Variants in CLSTN3 observed in about 807,000 individuals in gnomAD.
CLSTN3 encodes calsyntenin-3.
Under a neutral mutation model 95.9 loss-of-function variants are expected in CLSTN3, and 36 were observed. That is an observed-to-expected ratio of 0.38 (90% CI 0.29 to 0.50). CLSTN3 has a LOEUF of 0.50. Ranked by LOEUF, CLSTN3 falls within the 20% of genes least tolerant of loss-of-function variation. The pLI is 0.95. For synonymous variants in CLSTN3, 481 were observed against 504.0 expected, an observed-to-expected ratio of 0.95 and a Z score of 0.61; for missense variants, 1,084 against 1,268.8, an observed-to-expected ratio of 0.85 and a Z score of 2.21.
At position 7,148,942 on chromosome 12, in the gene CLSTN3, A is replaced by T. The variant is rs1200227260; in HGVS notation, c.1848-30A>T. The T allele has an allele frequency of 3.1e-6, 5 of 1,590,830 alleles. No individual in the cohort carries two copies. The East Asian group carries it at 1.1e-4, about 36-fold the overall frequency. ...TTTTCGGGGAGGAAGTGTTGGGGTC[A>T]CATGCTGCTTCTCCTGCTTTCTTAC... On this transcript the variant is annotated intron_variant, in intron 12 of 17. Coordinates refer to ENST00000266546, the MANE Select transcript of CLSTN3 (RefSeq NM_014718.4).
intron 12 of CLSTN3, among the ~76,000 whole-genome samples, chr12:7,148,096 C>CA (rs1285743952): frequency 6.6e-6 from 1 of 151,246 alleles, no homozygotes; most frequent in African/African-American, 2.4e-5. Context: ...GCAGAGGTTG[C>CA]AGTGAGCCAA....
chr12:7,136,581 G>A (rs1006085012), intron 6 of CLSTN3, among the ~76,000 whole-genome samples, 190 bp downstream of exon 6: 1 of 152,210 alleles, frequency 6.6e-6, no homozygotes, highest in Non-Finnish European at 1.5e-5. Context: ...CATAGTCATC[G>A]CACCAGACAG....
At position 7,136,991 on chromosome 12, in the gene CLSTN3, C is replaced by T; in HGVS notation, c.1091C>T (p.Ser364Phe). 4 of 1,614,190 alleles carry T rather than the reference C, an allele frequency of 2.5e-6. No individual in the cohort carries two copies. The highest frequency in any genetic ancestry group is 3.4e-6 in the Non-Finnish European group (4 of 1,180,036). ...VPLGGPSGLG[S>F]GPQDSLSDHF... ...CTGGGTGGCCCCAGTGGGCTGGGCT[C>T]TGGGCCCCAGGACAGCCTCAGTGAC... Residue 364 changes from serine to phenylalanine, a missense_variant, in exon 7 of 18, where the codon TCT becomes TTT. By Grantham distance (155) the Ser-to-Phe change is radical. Coordinates refer to ENST00000266546, the MANE Select transcript of CLSTN3 (RefSeq NM_014718.4).
chr12:7,157,703 G>A lies in CLSTN3; in HGVS notation c.2730+12G>A. On this transcript the variant is annotated intron_variant, in intron 17 of 17. Coordinates refer to ENST00000266546, the MANE Select transcript of CLSTN3 (RefSeq NM_014718.4). The surrounding 1 kb of genome is among the most constrained non-coding windows in gnomAD (Gnocchi z 5.9). Reference sequence around the variant, plus strand: ...TGAACCCCATGGAGGTGAGAGGCCTGGGGAAGCGGGGTTCTGTAGGGTCAA... The same window carrying A: ...TGAACCCCATGGAGGTGAGAGGCCTAGGGAAGCGGGGTTCTGTAGGGTCAA... 1 of 1,560,460 alleles carries A rather than the reference G, an allele frequency of 6.4e-7. No individual in the cohort carries two copies. Among genetic ancestry groups the A allele is most frequent in the South Asian group, 1.2e-5 (1 of 85,068 alleles).
At chr12:7,151,475 T>C (rs911716662) in intron 16 of CLSTN3, among the ~76,000 whole-genome samples, 1 of 152,210 alleles carries the variant, frequency 6.6e-6, no homozygotes, top group Non-Finnish European at 1.5e-5. Flanking sequence ...ATCTAAATGA[T>C]TTATAGGATA....
At chr12:7,140,922 C>T (rs1459681194) in intron 8 of CLSTN3, among the ~76,000 whole-genome samples, 1 of 152,126 alleles carries the variant, frequency 6.6e-6, no homozygotes, top group East Asian at 1.9e-4. Flanking sequence ...TTTCCAGTGC[C>T]TTACACACAT....
At position 7,148,174 on chromosome 12, in the gene CLSTN3, AAG is replaced by A. The variant is rs1939656868; in HGVS notation, c.1848-796_1848-795del. On this transcript the variant is annotated intron_variant, in intron 12 of 17. Transcript: ENST00000266546. ...TCCATCAAAAAGAAAGAAAGAAAGA[AAG>A]AAAGAAAGAAAGAAAGAAAGAAAGA... Among the ~76,000 whole-genome samples the A allele has an allele frequency of 6.2e-5, 7 of 113,586 alleles. No homozygotes were observed. In the South Asian group the frequency reaches 2.5e-3, roughly 40 times the overall value. 74.5% of individuals were successfully genotyped at this position (113,586 alleles called of 152,430 possible).
intron 8 of CLSTN3, among the ~76,000 whole-genome samples, chr12:7,139,726 G>T (rs1251432634): frequency 6.6e-6 from 1 of 151,644 alleles, no homozygotes; most frequent in African/African-American, 2.4e-5. Context: ...TTGGCTCACT[G>T]CAACCTCGGC....
In CLSTN3 at chr12:7,150,989, A is replaced by C. The variant is rs755795137; in HGVS notation, c.2453A>C (p.Gln818Pro). Residue 818 changes from glutamine (Q) to proline (P), a missense_variant, in exon 16 of 18, where the codon CAG becomes CCG. Gln to Pro is a moderately conservative substitution (Grantham distance 76). Coordinates refer to ENST00000266546, the MANE Select transcript of CLSTN3 (RefSeq NM_014718.4). The surrounding 1 kb of genome is among the most constrained non-coding windows in gnomAD (Gnocchi z 4.0). ...AHPSHVLSSQ[Q>P]FLHRGHQPPP... Reference sequence around the variant, plus strand: ...CCCAGCCACGTGCTCAGCTCCCAGCAGTTCCTGCACCGTGGTCACCAGCCC... The same window carrying C: ...CCCAGCCACGTGCTCAGCTCCCAGCCGTTCCTGCACCGTGGTCACCAGCCC... 3.1e-6 allele frequency: 5 copies of C among 1,613,382 alleles called. No homozygotes were observed. In the South Asian group the frequency reaches 5.5e-5, roughly 18 times the overall value.
Position 7,157,470 on chromosome 12 carries a change from C to T in CLSTN3, c.2528-19C>T, listed in dbSNP as rs748801241. 2.1e-4 allele frequency: 329 copies of T among 1,549,082 alleles called. No homozygotes were observed. The highest frequency in any genetic ancestry group is 5.7e-4 in the Admixed American group (30 of 52,238). ...GTGTGCCTAGTCACGCTCTGCTCAC[C>T]CCCGCGCTCTCTCTGCAGTGATACC... On this transcript the variant is annotated intron_variant, in intron 16 of 17. Coordinates refer to ENST00000266546, the MANE Select transcript of CLSTN3 (RefSeq NM_014718.4). The surrounding 1 kb of genome is among the most constrained non-coding windows in gnomAD (Gnocchi z 5.9).
At chr12:7,146,933 G>A (rs1939630011) in intron 12 of CLSTN3, among the ~76,000 whole-genome samples, 1 of 152,180 alleles carries the variant, frequency 6.6e-6, no homozygotes, top group Admixed American at 6.5e-5. Flanking sequence ...TGCTCCGTGT[G>A]GTACAGGAAC....
intron 16 of CLSTN3, among the ~76,000 whole-genome samples, chr12:7,154,634 G>A (rs939830026): frequency 2.0e-5 from 3 of 152,038 alleles, no homozygotes; most frequent in South Asian, 2.1e-4. Context: ...AAAAACTCTC[G>A]GCACCTAAAT....
rs753266977 is a variant in CLSTN3 at position 7,149,148 on chromosome 12, C to A, written c.2024C>A (p.Ser675Tyr). The change falls in exon 13 of 18, where the codon TCC becomes TAC. Residue 675 changes from serine to tyrosine, a missense_variant. Physicochemically the swap from Ser to Tyr is moderately radical, Grantham distance 144 (BLOSUM62 -2). Transcript: ENST00000266546. The surrounding 1 kb of genome is among the most constrained non-coding windows in gnomAD (Gnocchi z 4.5). ...TTCCCTGATCTTCAAATCACCTGCT[C>A]CATTTCTCACCAGGTGGAGGCCAAA... ...PLFPDLQITC[S>Y]ISHQVEAKKD... The A allele has an allele frequency of 6.2e-7, 1 of 1,614,158 alleles. No individual in the cohort carries two copies. The highest frequency in any genetic ancestry group is 1.1e-5 in the South Asian group (1 of 91,084).
Position 7,141,632 on chromosome 12 carries a change from G to A in CLSTN3, c.1486+228G>A, listed in dbSNP as rs939142960. ...TGACTTGGAGGAATTAACTTCTCACGCATCCCCAGACTCTCTCTCTGTAAC... is the reference window on the plus strand; with the variant it reads ...TGACTTGGAGGAATTAACTTCTCACACATCCCCAGACTCTCTCTCTGTAAC... On this transcript the variant is annotated intron_variant, in intron 9 of 17. Coordinates refer to ENST00000266546, the MANE Select transcript of CLSTN3 (RefSeq NM_014718.4). The surrounding 1 kb of genome is among the most constrained non-coding windows in gnomAD (Gnocchi z 4.1). Among the ~76,000 whole-genome samples the A allele has an allele frequency of 4.6e-5, 7 of 152,096 alleles. No homozygotes were observed. Among genetic ancestry groups the A allele is most frequent in the Non-Finnish European group, 7.3e-5 (5 of 68,032 alleles).
At position 7,135,346 on chromosome 12, in the gene CLSTN3, G is replaced by T; in HGVS notation, c.403G>T (p.Val135Phe). Residue 135 changes from valine (V) to phenylalanine (F), a missense_variant, in exon 4 of 18, where the codon GTC becomes TTC. By Grantham distance (50) the Val-to-Phe change is conservative. Coordinates refer to ENST00000266546, the MANE Select transcript of CLSTN3 (RefSeq NM_014718.4). ...KSHKATVHVR[V>F]NDVNEFAPVF... ...ATGCAGGGCCACTGTGCATGTGCGG[G>T]TCAACGATGTGAACGAGTTTGCCCC... 1 of 1,614,136 alleles carries T rather than the reference G, an allele frequency of 6.2e-7. No homozygotes were observed. The highest frequency in any genetic ancestry group is 8.5e-7 in the Non-Finnish European group (1 of 1,179,996).
Position 7,157,391 on chromosome 12 carries a change from C to T in CLSTN3, c.2528-98C>T, listed in dbSNP as rs1939835923. The T allele has an allele frequency of 5.5e-6, 6 of 1,085,172 alleles. No individual in the cohort carries two copies. The highest frequency in any genetic ancestry group is 1.6e-5 in the African/African-American group (1 of 62,868). The allele number at this position is 1,085,172 out of a possible 1,614,324, so 67.2% of individuals were successfully genotyped here. A position where few individuals can be genotyped will look rare whatever the true frequency, so the allele number is the denominator to read the frequency against. On this transcript the variant is annotated intron_variant, in intron 16 of 17. Coordinates refer to ENST00000266546, the MANE Select transcript of CLSTN3 (RefSeq NM_014718.4). This position sits in a 1 kb window ranked among gnomAD's most constrained non-coding sequence, Gnocchi z 5.9. ...CACCGTGTGTTCTGCCCTGGGAGTC[C>T]TTCAGCCCGGGCTGCCTCTTTTCCT...
rs200740779 is a variant in CLSTN3 at position 7,149,563 on chromosome 12, G to A, written c.2115G>A (p.Leu705=). ...TRMSDEIVHN[L]DGCEISLVGD... ...TGTCGGATGAGATTGTGCACAACCT[G>A]GATGGCTGTGAAATTTCTCTGGTGG... Residue 705 remains leucine (L), a synonymous_variant, in exon 14 of 18, where the codon CTG becomes CTA. Coordinates refer to ENST00000266546, the MANE Select transcript of CLSTN3 (RefSeq NM_014718.4). This position sits in a 1 kb window ranked among gnomAD's most constrained non-coding sequence, Gnocchi z 4.5. 6.2e-7 allele frequency: 1 copy of A among 1,614,104 alleles called. No homozygotes were observed. Among genetic ancestry groups the A allele is most frequent in the South Asian group, 1.1e-5 (1 of 91,076 alleles).
rs757585770 is a variant in CLSTN3 at position 7,149,482 on chromosome 12, G to C, written c.2075-41G>C. The C allele has an allele frequency of 6.4e-6, 10 of 1,570,190 alleles. No individual in the cohort carries two copies. In the African/African-American group the frequency reaches 1.3e-4, roughly 21 times the overall value. Reference sequence around the variant, plus strand: ...TGGTTGGGTCTCAGAACCTCCGTGGGCCCTTTGGCTCTGACCCAGACCCTA... The same window carrying C: ...TGGTTGGGTCTCAGAACCTCCGTGGCCCCTTTGGCTCTGACCCAGACCCTA... On this transcript the variant is annotated intron_variant, in intron 13 of 17. Coordinates refer to ENST00000266546, the MANE Select transcript of CLSTN3 (RefSeq NM_014718.4). The surrounding 1 kb of genome is among the most constrained non-coding windows in gnomAD (Gnocchi z 4.5).
Position 7,154,092 on chromosome 12 carries a change from C to T in CLSTN3, c.2527+3029C>T, listed in dbSNP as rs1231343718. 2.0e-5 allele frequency among the ~76,000 whole-genome samples: 3 copies of T among 152,180 alleles called. No individual in the cohort carries two copies. In the East Asian group the frequency reaches 5.8e-4, roughly 29 times the overall value. ...TTTGACCTGAATAGGACACAGAGTT[C>T]GTAGCTTCCCTGAGGGCACTGGTGA... On this transcript the variant is annotated intron_variant, in intron 16 of 17. Transcript: ENST00000266546.
Sources: allele counts gnomAD v4.1 joint callset (sites outside exome capture counted in the v4.1 genomes callset), GRCh38; gene constraint gnomAD v4.1.1; non-coding constraint Gnocchi (gnomAD v3.1); transcripts MANE v1.5; gene names NCBI Gene and HGNC (gene_info 2026-07-23, HGNC 2026-07-21).